Variants in TEAD1 observed in about 807,000 individuals in gnomAD.
The protein encoded by TEAD1 is TEA domain transcription factor 1.
Under a neutral mutation model 54.9 loss-of-function variants are expected in TEAD1, and 9 were observed. The ratio of observed to expected loss-of-function variants is 0.16; its 90% CI spans 0.10 to 0.29. The LOEUF is 0.29. Among genes scored for constraint, TEAD1 ranks in the 10% least tolerant of loss-of-function variants. TEAD1 has a pLI of 1.00. For synonymous variants in TEAD1, 200 were observed against 187.8 expected (o/e 1.07, Z -0.53); for missense variants, 387 against 535.9 (o/e 0.72, Z 2.74).
chr11:12,864,870 G>A lies in TEAD1; in HGVS notation c.300G>A (p.Arg100=), dbSNP rs1296763799. Residue 100 remains arginine (R), a synonymous_variant, in exon 5 of 13, where the codon AGG becomes AGA. Transcript: ENST00000527636. ...GTCACATTCAGGTTCTTGCCAGAAG[G>A]AAATCTCGTGATTTTCATTCCAAGC... is the stretch of plus-strand genomic sequence containing the variant. The A allele has an allele frequency of 6.2e-7, 1 of 1,614,100 alleles. No homozygotes were observed. The highest frequency in any genetic ancestry group is 1.1e-5 in the South Asian group (1 of 91,082).
intron 2 of TEAD1, among the ~76,000 whole-genome samples, chr11:12,743,921 G>A (rs568496026): frequency 9.2e-5 from 14 of 152,288 alleles, no homozygotes; most frequent in Admixed American, 3.3e-4. Context: ...TGGGGCTTTG[G>A]AGCACTGACT....
chr11:12,785,900 T>C (rs1057070873), intron 3 of TEAD1, among the ~76,000 whole-genome samples: 66 of 152,350 alleles, frequency 4.3e-4, no homozygotes, highest in African/African-American at 1.4e-3. Context: ...AGTTTTTTTT[T>C]CCAACATACA....
chr11:12,798,782 A>G (rs147710094), intron 3 of TEAD1, among the ~76,000 whole-genome samples: 9 of 152,360 alleles, frequency 5.9e-5, no homozygotes, highest in East Asian at 1.9e-4. Flanking sequence ...CTGCGTTTCC[A>G]TAAAAGGAGC....
chr11:12,858,078 C>T (rs1947427614), intron 3 of TEAD1, among the ~76,000 whole-genome samples: 1 of 152,038 alleles, frequency 6.6e-6, no homozygotes, highest in African/African-American at 2.4e-5. Flanking sequence ...GCACTCCAGC[C>T]AGGGTGATAA....
chr11:12,744,752 T>A (rs956616767), intron 2 of TEAD1, among the ~76,000 whole-genome samples: 3 of 152,154 alleles, frequency 2.0e-5, no homozygotes, highest in African/African-American at 7.2e-5. Context: ...ACATGTTGGA[T>A]TTAAACTTGG....
intron 2 of TEAD1, among the ~76,000 whole-genome samples, chr11:12,676,765 T>C (rs1943101651): frequency 6.6e-6 from 1 of 152,214 alleles, no homozygotes; most frequent in African/African-American, 2.4e-5. Context: ...GATATTTTTC[T>C]TTAGTGTTTC....
At chr11:12,833,366 T>C (rs1181695461) in intron 3 of TEAD1, among the ~76,000 whole-genome samples, 5 of 152,240 alleles carry the variant, frequency 3.3e-5, no homozygotes, top group African/African-American at 1.2e-4. Flanking sequence ...CAGGTCTGCC[T>C]TCTCTTTGGC....
intron 2 of TEAD1, among the ~76,000 whole-genome samples, chr11:12,731,642 A>G (rs933212028): frequency 1.3e-5 from 2 of 152,218 alleles, no homozygotes; most frequent in African/African-American, 2.4e-5. Context: ...TTTGGCAGTT[A>G]TAAACCATGC....
intron 2 of TEAD1, among the ~76,000 whole-genome samples, chr11:12,685,529 C>T (rs1261586070): frequency 3.9e-5 from 6 of 152,008 alleles, no homozygotes; most frequent in Non-Finnish European, 7.4e-5. Flanking sequence ...TTTCGGTGAT[C>T]GAGTGATTAA....
chr11:12,884,674 G>C (rs553963727), intron 9 of TEAD1, among the ~76,000 whole-genome samples: 2 of 152,104 alleles, frequency 1.3e-5, no homozygotes, highest in Non-Finnish European at 2.9e-5. Context: ...CCAAATTAGG[G>C]GGAAAAATGA....
chr11:12,918,511 C>T lies in TEAD1; in HGVS notation c.874-6401C>T, dbSNP rs563668283. Among the ~76,000 whole-genome samples the T allele has an allele frequency of 8.5e-5, 13 of 152,096 alleles. No individual in the cohort carries two copies. In the South Asian group the frequency reaches 2.5e-3, roughly 29 times the overall value. On this transcript the variant is annotated intron_variant, in intron 10 of 12. Coordinates refer to ENST00000527636, the MANE Select transcript of TEAD1 (RefSeq NM_021961.6). ...GGTTATTTACTGTTAGTTGGGAAGC[C>T]TTTTAAAATCTAATCTCTTAAATTT...
At chr11:12,754,543 T>C (rs898860242) in intron 2 of TEAD1, among the ~76,000 whole-genome samples, 4 of 152,172 alleles carry the variant, frequency 2.6e-5, no homozygotes, top group African/African-American at 7.2e-5. Flanking sequence ...ATATAAACAG[T>C]GGGAAGGCAA....
chr11:12,760,268 G>A (rs1437272799), intron 2 of TEAD1, among the ~76,000 whole-genome samples: 2 of 152,220 alleles, frequency 1.3e-5, no homozygotes, highest in Non-Finnish European at 2.9e-5. Context: ...TGGCAACCCA[G>A]TAGAATAGAG....
In TEAD1 at chr11:12,789,322, A is replaced by T. The variant is rs938599335; in HGVS notation, c.202+24888A>T. Among the ~76,000 whole-genome samples the T allele has an allele frequency of 3.3e-5, 5 of 152,174 alleles. 1 individual carries two copies. The highest frequency in any genetic ancestry group is 7.3e-5 in the Non-Finnish European group (5 of 68,032). Reference sequence around the variant, plus strand: ...ACACATAAGCTCTCAGCACATAGTGACCAGTGTCATTCTTATTGGCATTGC... The same window carrying T: ...ACACATAAGCTCTCAGCACATAGTGTCCAGTGTCATTCTTATTGGCATTGC... On this transcript the variant is annotated intron_variant, in intron 3 of 12. Coordinates refer to ENST00000527636, the MANE Select transcript of TEAD1 (RefSeq NM_021961.6).
chr11:12,718,163 CAT>C (rs1205341961), intron 2 of TEAD1, among the ~76,000 whole-genome samples: 7 of 152,172 alleles, frequency 4.6e-5, no homozygotes, highest in East Asian at 1.9e-4. Flanking sequence ...CATACAGAGA[CAT>C]GTGAACATCT....
chr11:12,911,678 CTT>C (rs386373128), intron 10 of TEAD1, among the ~76,000 whole-genome samples: 9 of 136,926 alleles, frequency 6.6e-5, no homozygotes, highest in Admixed American at 1.5e-4. Context: ...TTACATGAGT[CTT>C]TTTTTTTTTT....
At chr11:12,928,950 GT>G in intron 11 of TEAD1, among the ~76,000 whole-genome samples, 1 of 152,018 alleles carries the variant, frequency 6.6e-6, no homozygotes, top group Admixed American at 6.6e-5. Flanking sequence ...ATGTTGTACA[GT>G]AGATCTCTTG....
intron 9 of TEAD1, among the ~76,000 whole-genome samples, chr11:12,893,715 T>G (rs1948247578): frequency 6.6e-6 from 1 of 152,096 alleles, no homozygotes; most frequent in Non-Finnish European, 1.5e-5. Flanking sequence ...TGCATCTCGG[T>G]GTGAGATCCC....
intron 3 of TEAD1, among the ~76,000 whole-genome samples, chr11:12,770,708 A>G (rs1590133450): frequency 6.6e-6 from 1 of 152,232 alleles, no homozygotes; most frequent in Non-Finnish European, 1.5e-5. Context: ...GACATTTACA[A>G]CCAAGCCAGT....
Sources: allele counts gnomAD v4.1 joint callset (sites outside exome capture counted in the v4.1 genomes callset), GRCh38; gene constraint gnomAD v4.1.1; transcripts MANE v1.5; gene names NCBI Gene and HGNC (gene_info 2026-07-23, HGNC 2026-07-21).